TENM1: variants seen among roughly 807,000 people sequenced by gnomAD.
TENM1 encodes the protein teneurin transmembrane protein 1, also known as teneurin-1.
TENM1 carries 35 observed loss-of-function variants against 174.8 expected under a neutral mutation model. The observed-to-expected ratio is 0.20, with a 90% confidence interval of 0.15 to 0.27. TENM1 has a LOEUF of 0.27. Ranked by LOEUF, TENM1 falls within the 10% of genes least tolerant of loss-of-function variation. The pLI is 1.00. For missense variants in TENM1, 1,633 were observed against 2,130.1 expected (o/e 0.77, Z 4.59); for synonymous variants, 781 against 798.7 (o/e 0.98, Z 0.37).
chrX:124,496,848 A>G (rs1312938592), intron 20 of TENM1, among the ~76,000 whole-genome samples, 168 bp downstream of exon 23: 1 of 112,021 alleles, frequency 8.9e-6, no homozygotes, highest in Non-Finnish European at 1.9e-5. Flanking sequence ...TCCTTCAAGT[A>G]GGAAGAGTGA....
chrX:124,610,633 T>C (rs2050258148), intron 11 of TENM1, among the ~76,000 whole-genome samples: 1 of 110,867 alleles, frequency 9.0e-6, no homozygotes, highest in Non-Finnish European at 1.9e-5. Context: ...CAGTGAGATT[T>C]AGGTATAAAC....
the TENM1 span, among the ~76,000 whole-genome samples, chrX:125,129,592 C>G: frequency 9.1e-6 from 1 of 109,786 alleles, no homozygotes; most frequent in Non-Finnish European, 1.9e-5. Context: ...CACTTCCCCC[C>G]ACCCCCATTA....
At chrX:124,612,055 G>A (rs2050289411) in intron 11 of TENM1, among the ~76,000 whole-genome samples, 1 of 112,070 alleles carries the variant, frequency 8.9e-6, no homozygotes, top group Non-Finnish European at 1.9e-5. Flanking sequence ...GAAGGAAAAT[G>A]ATCCTTTTAA....
At chrX:124,747,410 A>C (rs2053947900) in intron 3 of TENM1, among the ~76,000 whole-genome samples, 1 of 108,790 alleles carries the variant, frequency 9.2e-6, no homozygotes, top group African/African-American at 3.3e-5. Flanking sequence ...ATGAGACTGC[A>C]GTAGTAAATA....
At chrX:124,518,690 TA>T (rs1230217654) in intron 18 of TENM1, among the ~76,000 whole-genome samples, 1 of 112,222 alleles carries the variant, frequency 8.9e-6, no homozygotes, top group Non-Finnish European at 1.9e-5. Context: ...ACATAATCTT[TA>T]TGATATTCAC....
intron 27 of TENM1, among the ~76,000 whole-genome samples, chrX:124,401,036 G>A (rs915812069): frequency 1.8e-5 from 2 of 111,460 alleles, no homozygotes; most frequent in Non-Finnish European, 3.8e-5. Context: ...ATGGCTCAGA[G>A]GTAACAAATC....
intron 4 of TENM1, among the ~76,000 whole-genome samples, chrX:124,735,559 C>T (rs1179691438): frequency 1.8e-5 from 2 of 111,677 alleles, no homozygotes; most frequent in African/African-American, 6.5e-5. Flanking sequence ...ATAGAACTTC[C>T]ATTTGATTCA....
At chrX:124,397,399 A>C (rs1442777078) in intron 27 of TENM1, among the ~76,000 whole-genome samples, 1 of 111,706 alleles carries the variant, frequency 9.0e-6, no homozygotes, top group Non-Finnish European at 1.9e-5. Flanking sequence ...ACGCCTGTGA[A>C]TGTGCTGAAC....
At chrX:124,385,713 C>G in exon 29 of TENM1, 1 of 1,202,333 alleles carries the variant, frequency 8.3e-7, no homozygotes, top group East Asian at 3.0e-5. Context: ...ATGAATCCGT[C>G]ATGCATCAGG....
intron 23 of TENM1, among the ~76,000 whole-genome samples, chrX:124,440,311 G>C (rs971848076): frequency 3.6e-5 from 4 of 112,233 alleles, no homozygotes; most frequent in African/African-American, 1.3e-4. Context: ...TTTAGCAAGT[G>C]TATGATGAAT....
intron 3 of TENM1, among the ~76,000 whole-genome samples, chrX:124,776,335 G>C (rs968853143): frequency 8.9e-6 from 1 of 111,911 alleles, no homozygotes; most frequent in Non-Finnish European, 1.9e-5. Context: ...AATAAGCATT[G>C]AATGTGGAAA....
At chrX:124,601,556 G>A (rs1418098422) in intron 11 of TENM1, among the ~76,000 whole-genome samples, 1 of 111,311 alleles carries the variant, frequency 9.0e-6, no homozygotes, top group Non-Finnish European at 1.9e-5. Flanking sequence ...GAAGTTAGAA[G>A]TTTGAGAAGA....
chrX:124,461,576 A>C (rs1468534104), intron 22 of TENM1, among the ~76,000 whole-genome samples: 1 of 111,940 alleles, frequency 8.9e-6, no homozygotes, highest in African/African-American at 3.2e-5. Context: ...CATAAAAAGA[A>C]GGAAATTTTA....
intron 11 of TENM1, among the ~76,000 whole-genome samples, chrX:124,567,343 C>A (rs2048964532): frequency 9.0e-6 from 1 of 111,553 alleles, no homozygotes; most frequent in African/African-American, 3.3e-5. Flanking sequence ...AAAAGAGGAA[C>A]CATCAAAGGA....
intron 3 of TENM1, among the ~76,000 whole-genome samples, chrX:124,769,389 C>T (rs1238635133): frequency 9.0e-6 from 1 of 111,483 alleles, no homozygotes; most frequent in Non-Finnish European, 1.9e-5. Flanking sequence ...CATCAACTCC[C>T]CCGTTAACTG....
At chrX:125,169,985 G>A in the TENM1 span, among the ~76,000 whole-genome samples, 1 of 111,482 alleles carries the variant, frequency 9.0e-6, no homozygotes, top group African/African-American at 3.3e-5. Flanking sequence ...GACATGAAGT[G>A]TTATCAGTGA....
intron 3 of TENM1, among the ~76,000 whole-genome samples, chrX:124,755,196 G>C (rs1473471051): frequency 9.5e-6 from 1 of 105,446 alleles, no homozygotes; most frequent in East Asian, 2.9e-4. Flanking sequence ...TATATATTTA[G>C]GATAGTCAGC....
At chrX:124,647,795 T>G (rs2051200109) in intron 8 of TENM1, among the ~76,000 whole-genome samples, 1 of 109,772 alleles carries the variant, frequency 9.1e-6, no homozygotes, top group African/African-American at 3.3e-5. Flanking sequence ...TACACCTTTC[T>G]ATAAATTTCT....
chrX:124,924,674 G>A (rs182051221), intron 1 of TENM1, among the ~76,000 whole-genome samples: 1 of 112,005 alleles, frequency 8.9e-6, no homozygotes, highest in Non-Finnish European at 1.9e-5. Context: ...TTATATGTGG[G>A]ACAATGGCTT....
Sources: gnomAD v4.1 joint callset for allele counts (sites outside exome capture counted in the v4.1 genomes callset) on GRCh38, gnomAD v4.1.1 for gene constraint, MANE v1.5 for transcripts, NCBI Gene and HGNC (gene_info 2026-07-23, HGNC 2026-07-21) for gene names.